Variants in TOMM34 observed in about 807,000 individuals in gnomAD.
TOMM34 encodes translocase of outer mitochondrial membrane 34, also known as mitochondrial import receptor subunit TOM34.
In TOMM34, 24 loss-of-function variants were observed where a neutral mutation model predicts 37.4. That is an observed-to-expected ratio of 0.64 (90% CI 0.46 to 0.90). The LOEUF is 0.90. TOMM34 is among the 40% of genes least tolerant of loss of function. The pLI is 0.00. For missense variants in TOMM34, 304 were observed against 375.6 expected, an observed-to-expected ratio of 0.81 and a Z score of 1.58; for synonymous variants, 154 against 148.9, an observed-to-expected ratio of 1.03 and a Z score of -0.25.
rs781420492 is a variant in TOMM34 at position 44,957,618 on chromosome 20, A to G, written c.128-1133T>C. On this transcript the variant is annotated intron_variant, in intron 1 of 6. Transcript: ENST00000372813. ...GACCATTATCTCAGAATCCACCACT[A>G]GATTTAGCACGTTATATTAGTTCCC... is the stretch of plus-strand genomic sequence containing the variant. 6.2e-4 allele frequency among the ~76,000 whole-genome samples: 95 copies of G among 152,076 alleles called. 1 individual carries two copies. The highest frequency in any genetic ancestry group is 2.5e-4 in the Non-Finnish European group (17 of 67,998).
intron 1 of TOMM34, among the ~76,000 whole-genome samples, chr20:44,959,380 T>A (rs1405666088): frequency 2.6e-5 from 4 of 152,168 alleles, no homozygotes; most frequent in Non-Finnish European, 1.5e-5. Flanking sequence ...AGCTGGACGC[T>A]GGGAGAACTG....
intron 2 of TOMM34, chr20:44,955,535 G>A: frequency 2.0e-6 from 1 of 489,072 alleles, no homozygotes; most frequent in Non-Finnish European, 4.0e-6. Context: ...TTTTACAGTT[G>A]TGGTCTAGTG....
At chr20:44,953,703 C>T (rs2067046298) in intron 3 of TOMM34, among the ~76,000 whole-genome samples, 1 of 152,198 alleles carries the variant, frequency 6.6e-6, no homozygotes, top group African/African-American at 2.4e-5. Flanking sequence ...CCTCCCTTCT[C>T]GATACCCCGC....
chr20:44,952,599 G>C (rs1321921735), intron 3 of TOMM34: 1 of 717,260 alleles, frequency 1.4e-6, no homozygotes, highest in Admixed American at 2.0e-5. Flanking sequence ...TTTGGAAAAA[G>C]ATTGCCACCT....
intron 3 of TOMM34, among the ~76,000 whole-genome samples, chr20:44,954,862 T>C (rs2067057144): frequency 6.6e-6 from 1 of 152,152 alleles, no homozygotes; most frequent in South Asian, 2.1e-4. Context: ...CAAATATCAA[T>C]CAATCAATCT....
At chr20:44,952,246 C>A (rs1057013583) in intron 3 of TOMM34, among the ~76,000 whole-genome samples, 1 of 152,214 alleles carries the variant, frequency 6.6e-6, no homozygotes, top group African/African-American at 2.4e-5. Flanking sequence ...AAGTGGTGAT[C>A]TGTTGCTTGT....
At chr20:44,949,540 C>T (rs1312909861) in intron 4 of TOMM34, among the ~76,000 whole-genome samples, 1 of 152,226 alleles carries the variant, frequency 6.6e-6, no homozygotes, top group African/African-American at 2.4e-5. Flanking sequence ...AGCTGCTCAA[C>T]TTGGTGTTCA....
At position 44,943,155 on chromosome 20, in the gene TOMM34, C is replaced by T. The variant is rs2066949913; in HGVS notation, c.884G>A (p.Gly295Asp). 10 of 1,614,044 alleles carry T rather than the reference C, an allele frequency of 6.2e-6. No individual in the cohort carries two copies. In the East Asian group the frequency reaches 2.2e-4, roughly 36 times the overall value. The stretch of plus-strand genomic sequence containing the variant: ...TTCCTGCCGCAACTTCTGTGCAGGA[C>T]CATTCCTAGGCTCAATCTGTAGGAG... ...SNLLQIEPRN[G>D]PAQKLRQEVK... The change falls in exon 7 of 7, where the codon GGT (glycine) becomes GAT (aspartate). Residue 295 changes from glycine (G) to aspartate (D), a missense_variant. By Grantham distance (94) the Gly-to-Asp change is moderately conservative. Coordinates refer to ENST00000372813, the MANE Select transcript of TOMM34 (RefSeq NM_006809.5).
chr20:44,958,339 C>T (rs769415408), intron 1 of TOMM34: 1 of 470,760 alleles, frequency 2.1e-6, no homozygotes, highest in African/African-American at 2.0e-5. Context: ...TTTGCCAGGC[C>T]CAGAGACGGA....
Position 44,960,341 on chromosome 20 carries a change from C to T in TOMM34, c.-8G>A. ...TGGGAATTTGGGGGCCATCCCGTGG[C>T]CAGGCCGGCGAGTTGGGAGCTCCTT... On this transcript the variant is annotated 5_prime_UTR_variant, in exon 1 of 7. Transcript: ENST00000372813. 1.3e-6 allele frequency: 2 copies of T among 1,560,512 alleles called. No homozygotes were observed. Among genetic ancestry groups the T allele is most frequent in the Non-Finnish European group, 8.7e-7 (1 of 1,152,808 alleles).
Position 44,960,202 on chromosome 20 carries a change from C to G in TOMM34, c.127+5G>C. The G allele has an allele frequency of 6.4e-7, 1 of 1,556,568 alleles. No homozygotes were observed. The highest frequency in any genetic ancestry group is 1.2e-5 in the South Asian group (1 of 84,586). ...CCGGAGGTGAGATGGGGGCCGGGGT[C>G]GTACCTTGCGCCTGCAGCACCCGCA... On this transcript the variant is annotated splice_donor_5th_base_variant and intron_variant, in intron 1 of 6. Transcript: ENST00000372813.
intron 2 of TOMM34, 32 bp from the exon 3 acceptor site, chr20:44,955,252 G>T: frequency 6.2e-7 from 1 of 1,608,256 alleles, no homozygotes; most frequent in South Asian, 1.1e-5. Context: ...TCAACTGGCT[G>T]GCTGCTGAGC....
At chr20:44,946,555 GGACA>G (rs2066982322) in intron 5 of TOMM34, among the ~76,000 whole-genome samples, 2 of 152,328 alleles carry the variant, frequency 1.3e-5, no homozygotes, top group East Asian at 3.9e-4. Context: ...AGGTAACACA[GGACA>G]ATGATCTAAG....
rs1212508941 is a variant in TOMM34, at chr20:44,943,030, C to G, written c.*79G>C. 1 of 1,424,136 alleles carries G rather than the reference C, an allele frequency of 7.0e-7. No individual in the cohort carries two copies. Among genetic ancestry groups the G allele is most frequent in the Non-Finnish European group, 9.9e-7 (1 of 1,013,128 alleles). The allele number at this position is 1,424,136 out of a possible 1,614,324, so 88.2% of individuals were successfully genotyped here. ...AGCTCACTTGGGGCATGCTGGGTTT[C>G]AGGAGCGGGCACAGAGCAGGTGGCC... is the stretch of plus-strand genomic sequence containing the variant. On this transcript the variant is annotated 3_prime_UTR_variant, in exon 7 of 7. Transcript: ENST00000372813.
chr20:44,943,298 C>T, intron 6 of TOMM34, 85 bp from the exon 7 acceptor site: 3 of 1,598,754 alleles, frequency 1.9e-6, no homozygotes, highest in South Asian at 1.1e-5. Flanking sequence ...TGTTTTCAAA[C>T]CCCAGCCCAC....
At chr20:44,958,124 A>ATATATGTATATGTATATATATG (rs2067091486) in intron 1 of TOMM34, among the ~76,000 whole-genome samples, 4 of 132,624 alleles carry the variant, frequency 3.0e-5, no homozygotes. Context: ...GTACATGTAT[A>ATATATGTATATGTATATATATG]TATATGTATA....
intron 2 of TOMM34, 145 bp from the exon 3 acceptor site, chr20:44,955,365 T>C: frequency 2.0e-6 from 2 of 990,856 alleles, no homozygotes; most frequent in Non-Finnish European, 3.0e-6. Flanking sequence ...ACGCCAAACC[T>C]CAGAACAGGG....
At chr20:44,952,501 C>T (rs2067035101) in intron 3 of TOMM34, 2 of 685,638 alleles carry the variant, frequency 2.9e-6, no homozygotes, top group Non-Finnish European at 5.4e-6. Context: ...CTTCCTGTCC[C>T]CCTTCACTGT....
rs1208839004 is a variant in TOMM34 at position 44,948,861 on chromosome 20, A to G, written c.567T>C (p.Asp189=). 2 of 1,613,892 alleles carry G rather than the reference A, an allele frequency of 1.2e-6. No homozygotes were observed. Among genetic ancestry groups the G allele is most frequent in the African/African-American group, 1.3e-5 (1 of 74,954 alleles). Residue 189 remains aspartate (D), a synonymous_variant, in exon 5 of 7, where the codon GAT becomes GAC. Transcript: ENST00000372813. ...ATKNRVPSAG[D]VEKARVLKEE... ...CCTTCAGAACTCTGGCTTTCTCCACATCCCCAGCAGAAGGCACTAGATACA... is the reference window on the plus strand; with the variant it reads ...CCTTCAGAACTCTGGCTTTCTCCACGTCCCCAGCAGAAGGCACTAGATACA...
Sources: allele counts gnomAD v4.1 joint callset (sites outside exome capture counted in the v4.1 genomes callset), GRCh38; gene constraint gnomAD v4.1.1; transcripts MANE v1.5; gene names NCBI Gene and HGNC (gene_info 2026-07-23, HGNC 2026-07-21).